The following NKAIN2 variants were observed in gnomAD, a reference collection of about 807,000 sequenced individuals.
NKAIN2 encodes the protein sodium/potassium-transporting ATPase subunit beta-1-interacting protein 2.
Under a neutral mutation model 32.6 loss-of-function variants are expected in NKAIN2, and 14 were observed. That is an observed-to-expected ratio of 0.43 (90% CI 0.28 to 0.67). The LOEUF is 0.67. NKAIN2 is among the 30% of genes least tolerant of loss of function. NKAIN2 has a pLI of 0.17. For synonymous variants in NKAIN2, 80 were observed against 87.2 expected, an observed-to-expected ratio of 0.92 and a Z score of 0.46; for missense variants, 198 against 258.3, an observed-to-expected ratio of 0.77 and a Z score of 1.60.
chr6:124,065,525 C>T (rs988155191), intron 1 of NKAIN2, among the ~76,000 whole-genome samples: 4 of 152,102 alleles, frequency 2.6e-5, no homozygotes, highest in African/African-American at 4.8e-5. Context: ...GGGAGCTATT[C>T]GCCTCTCTGC....
chr6:123,918,970 C>T (rs1775621038), intron 1 of NKAIN2, among the ~76,000 whole-genome samples: 1 of 151,940 alleles, frequency 6.6e-6, no homozygotes, highest in Non-Finnish European at 1.5e-5. Context: ...CTGACTGACT[C>T]TTCTTTCTCT....
intron 4 of NKAIN2, among the ~76,000 whole-genome samples, chr6:124,662,213 A>C (rs978198764): frequency 1.3e-5 from 2 of 152,210 alleles, no homozygotes; most frequent in African/African-American, 4.8e-5. Flanking sequence ...TGTGCCTCAC[A>C]TTTATTATGC....
rs902472911 is a variant in NKAIN2 at position 124,823,512 on chromosome 6, C to G, written c.*283C>G. On this transcript the variant is annotated 3_prime_UTR_variant, in exon 7 of 7. Coordinates refer to ENST00000368417, the MANE Select transcript of NKAIN2 (RefSeq NM_001040214.3). ...GAAAGCAGGCCCCTTTCTCCCAGGCCTTCGGAAAGTTCAGAAGGAGATGTG... is the reference window on the plus strand; with the variant it reads ...GAAAGCAGGCCCCTTTCTCCCAGGCGTTCGGAAAGTTCAGAAGGAGATGTG... 51 of 408,946 alleles carry G rather than the reference C, an allele frequency of 1.2e-4. No individual in the cohort carries two copies. Among genetic ancestry groups the G allele is most frequent in the Non-Finnish European group, 2.0e-4 (45 of 225,082 alleles). The allele number at this position is 408,946 out of a possible 1,614,324, so 25.3% of individuals were successfully genotyped here.
Position 124,193,504 on chromosome 6 carries a change from C to T in NKAIN2, c.55-89501C>T, listed in dbSNP as rs539714769. Among the ~76,000 whole-genome samples the T allele has an allele frequency of 1.1e-3, 170 of 152,260 alleles. 1 individual carries two copies. The highest frequency in any genetic ancestry group is 4.0e-3 in the African/African-American group (165 of 41,556). ...AGAAACTTGGAGACACCAGGAACCGCAGAGCCCTAAGGAAGGAGTCAAAGC... is the reference window on the plus strand; with the variant it reads ...AGAAACTTGGAGACACCAGGAACCGTAGAGCCCTAAGGAAGGAGTCAAAGC... On this transcript the variant is annotated intron_variant, in intron 1 of 6. Transcript: ENST00000368417.
chr6:124,212,716 C>G (rs780302524), intron 1 of NKAIN2, among the ~76,000 whole-genome samples: 6 of 151,932 alleles, frequency 3.9e-5, no homozygotes, highest in African/African-American at 1.5e-4. Flanking sequence ...ATTCGTTGTT[C>G]TTCTAAATCT....
At chr6:124,284,098 G>A (rs1322588776) in intron 2 of NKAIN2, among the ~76,000 whole-genome samples, 1 of 152,126 alleles carries the variant, frequency 6.6e-6, no homozygotes, top group East Asian at 1.9e-4. Flanking sequence ...TGGAACCAAG[G>A]AAGAATGAGA....
intron 3 of NKAIN2, among the ~76,000 whole-genome samples, chr6:124,504,987 A>G (rs540891534): frequency 3.9e-5 from 6 of 152,312 alleles, no homozygotes; most frequent in African/African-American, 1.4e-4. Context: ...TCACTACAGG[A>G]TGAGACTGTT....
chr6:124,236,002 A>C (rs1343886171), intron 1 of NKAIN2, among the ~76,000 whole-genome samples: 1 of 152,060 alleles, frequency 6.6e-6, no homozygotes, highest in Non-Finnish European at 1.5e-5. Flanking sequence ...AGAGGCAGAA[A>C]ATATGTAGTT....
chr6:124,417,553 ATAAAG>A (rs1362778098), intron 3 of NKAIN2, among the ~76,000 whole-genome samples: 10 of 152,152 alleles, frequency 6.6e-5, no homozygotes, highest in Admixed American at 5.2e-4. Flanking sequence ...TTGGTTCTAA[ATAAAG>A]TATTCTTTCC....
At chr6:123,858,914 T>A (rs2114973631) in intron 1 of NKAIN2, among the ~76,000 whole-genome samples, 1 of 152,294 alleles carries the variant, frequency 6.6e-6, no homozygotes, top group African/African-American at 2.4e-5. Context: ...ACTCATTTTT[T>A]TTAGTCATTC....
At chr6:124,659,494 T>C (rs1784665896) in intron 4 of NKAIN2, among the ~76,000 whole-genome samples, 1 of 126,620 alleles carries the variant, frequency 7.9e-6, no homozygotes, top group South Asian at 2.6e-4. Flanking sequence ...ATGGAATGTG[T>C]GTGCTTATGT....
chr6:124,350,909 A>G (rs1370183972), intron 2 of NKAIN2, among the ~76,000 whole-genome samples: 1 of 152,182 alleles, frequency 6.6e-6, no homozygotes, highest in East Asian at 1.9e-4. Context: ...GGATCACTAG[A>G]GTCCAGGAAT....
intron 3 of NKAIN2, among the ~76,000 whole-genome samples, chr6:124,360,456 C>T (rs1369841115): frequency 6.6e-6 from 1 of 152,186 alleles, no homozygotes; most frequent in East Asian, 1.9e-4. Context: ...ATATGATACA[C>T]AGGACTAACC....
At chr6:124,079,915 G>A (rs533446427) in intron 1 of NKAIN2, among the ~76,000 whole-genome samples, 1 of 152,006 alleles carries the variant, frequency 6.6e-6, no homozygotes, top group African/African-American at 2.4e-5. Flanking sequence ...AAGAAAGGGT[G>A]GGGTTGGGGG....
At chr6:124,304,306 T>A (rs530385788) in intron 2 of NKAIN2, among the ~76,000 whole-genome samples, 1 of 152,330 alleles carries the variant, frequency 6.6e-6, no homozygotes, top group South Asian at 2.1e-4. Flanking sequence ...TTCTTAATAT[T>A]GCTCTGCATT....
chr6:124,197,360 T>C (rs1256310892), intron 1 of NKAIN2, among the ~76,000 whole-genome samples: 1 of 152,118 alleles, frequency 6.6e-6, no homozygotes, highest in Non-Finnish European at 1.5e-5. Context: ...TTTGTATTGT[T>C]CGACAGTCAA....
At chr6:124,676,670 G>C (rs534335518) in intron 4 of NKAIN2, among the ~76,000 whole-genome samples, 182 of 152,176 alleles carry the variant, frequency 1.2e-3, no homozygotes, top group African/African-American at 4.3e-3. Context: ...CACAATCATA[G>C]CTTACTGCAG....
At chr6:124,810,668 A>G (rs1276234549) in intron 5 of NKAIN2, among the ~76,000 whole-genome samples, 1 of 151,952 alleles carries the variant, frequency 6.6e-6, no homozygotes, top group East Asian at 1.9e-4. Context: ...AAAATAAAAT[A>G]TTAAAGATTT....
chr6:124,825,129 A>G lies in NKAIN2; in HGVS notation c.*1900A>G, dbSNP rs1483289794. Reference sequence around the variant, plus strand: ...TTGTCCTTTGAGTCCTAAAATATAAATACTATACATGCCAGAAACTATTCT... The same window carrying G: ...TTGTCCTTTGAGTCCTAAAATATAAGTACTATACATGCCAGAAACTATTCT... On this transcript the variant is annotated 3_prime_UTR_variant, in exon 7 of 7. Coordinates refer to ENST00000368417, the MANE Select transcript of NKAIN2 (RefSeq NM_001040214.3). 6.6e-6 allele frequency: 1 copy of G among 152,608 alleles called. No homozygotes were observed. The highest frequency in any genetic ancestry group is 1.5e-5 in the Non-Finnish European group (1 of 68,022). The allele number at this position is 152,608 out of a possible 1,614,324, so 9.5% of individuals were successfully genotyped here.
Sources: allele counts gnomAD v4.1 joint callset (sites outside exome capture counted in the v4.1 genomes callset), GRCh38; gene constraint gnomAD v4.1.1; transcripts MANE v1.5; gene names NCBI Gene and HGNC (gene_info 2026-07-23, HGNC 2026-07-21).